TXNRD2: variants seen among roughly 807,000 people sequenced by gnomAD.
TXNRD2 encodes thioredoxin reductase 2.
In TXNRD2, 67 loss-of-function variants were observed where a neutral mutation model predicts 70.8. The ratio of observed to expected loss-of-function variants is 0.95; its 90% confidence interval spans 0.78 to 1.16. The LOEUF (loss-of-function observed/expected upper bound fraction) is 1.16, where lower values mean the gene tolerates loss of function less well. Ranked by LOEUF, TXNRD2 falls within the 50% of genes most tolerant of loss-of-function variation. The pLI is 0.00. For synonymous variants in TXNRD2, 301 were observed against 295.8 expected, an observed-to-expected ratio of 1.02 and a Z score of -0.18; for missense variants, 644 against 719.9, an observed-to-expected ratio of 0.89 and a Z score of 1.21.
In TXNRD2 at chr22:19,915,216, G is replaced by C. The variant is rs762695606; in HGVS notation, c.589C>G (p.His197Asp). The C allele has an allele frequency of 2.3e-5, 37 of 1,613,806 alleles. No individual in the cohort carries two copies. Among genetic ancestry groups the C allele is most frequent in the Non-Finnish European group, 3.1e-5 (36 of 1,179,876 alleles). Reference protein sequence around the residue: ...ATGGRPRYPTHIEGALEYGIT... With the variant: ...ATGGRPRYPTDIEGALEYGIT... ...CGCTATGCTCTGGGGACACTCACGT[G>C]CGTGGGGTATCTCGGCCGCCCTCCA... is the stretch of plus-strand genomic sequence containing the variant. Residue 197 changes from histidine to aspartate, a missense_variant and splice_region_variant, in exon 7 of 18, where the codon CAC becomes GAC. Coordinates refer to ENST00000400521, the MANE Select transcript of TXNRD2 (RefSeq NM_006440.5).
At chr22:19,932,502 T>G in intron 1 of TXNRD2, 3 of 1,583,204 alleles carry the variant, frequency 1.9e-6, no homozygotes, top group Non-Finnish European at 2.6e-6. Context: ...GAGAAGGGAC[T>G]GGAGGGAGGA....
intron 12 of TXNRD2, among the ~76,000 whole-genome samples, chr22:19,881,956 A>G (rs1323134180): frequency 1.3e-5 from 2 of 152,142 alleles, no homozygotes. Context: ...TCAGAGTGTG[A>G]CCTTATTTGG....
chr22:19,938,156 G>A (rs1474972755), intron 1 of TXNRD2: 5 of 152,084 alleles, frequency 3.3e-5, no homozygotes, highest in East Asian at 1.9e-4. Context: ...CTCAAGGTTC[G>A]GTGGGCCTGG....
intron 10 of TXNRD2, among the ~76,000 whole-genome samples, chr22:19,896,229 T>C (rs1348242913): frequency 2.0e-5 from 3 of 149,122 alleles, no homozygotes; most frequent in Non-Finnish European, 1.5e-5. Context: ...ACCCGGGAGG[T>C]GGAGCTTGCA....
intron 1 of TXNRD2, chr22:19,932,494 G>T: frequency 1.9e-6 from 3 of 1,593,350 alleles, no homozygotes; most frequent in Middle Eastern, 3.3e-4. Context: ...GAGGGATGGA[G>T]AAGGGACTGG....
At chr22:19,904,397 CT>C in intron 8 of TXNRD2, among the ~76,000 whole-genome samples, 1 of 152,386 alleles carries the variant, frequency 6.6e-6, no homozygotes, top group South Asian at 2.1e-4. Flanking sequence ...CACGATCCCC[CT>C]GCCTCTGCCA....
chr22:19,941,746 G>A lies in TXNRD2; in HGVS notation c.58C>T (p.Gln20Ter). Residue 20 changes from glutamine to a stop codon, truncating the protein, a stop_gained, in exon 1 of 18, where the codon CAG (glutamine) becomes TAG (stop). Transcript: ENST00000400521. LOFTEE classifies it high-confidence loss of function. Reference sequence around the variant, plus strand: ...CCCCGCACCCCGCCCGCCACGGCCTGCGTCCGCCACCGGAAGCGCCCTCCT... The same window carrying A: ...CCCCGCACCCCGCCCGCCACGGCCTACGTCCGCCACCGGAAGCGCCCTCCT... The part of the protein sequence containing the change: ...GLGGRFRWRT[Q>*]AVAGGVRGAA... 1.3e-6 allele frequency: 2 copies of A among 1,499,738 alleles called. No homozygotes were observed. Among genetic ancestry groups the A allele is most frequent in the Non-Finnish European group, 1.8e-6 (2 of 1,132,456 alleles). 92.9% of individuals were successfully genotyped at this position (1,499,738 alleles called of 1,614,324 possible). A position where few individuals can be genotyped will look rare whatever the true frequency, so the allele number is the denominator to read the frequency against.
intron 11 of TXNRD2, among the ~76,000 whole-genome samples, chr22:19,884,801 G>A (rs73383841): frequency 0.012 from 1,811 of 152,246 alleles, 33 homozygotes; most frequent in African/African-American, 0.041. Context: ...GCAAGCCCCC[G>A]TAACCCGCTA....
At chr22:19,927,651 C>CAAAAAAAAAAAAAAAAAAAAAAAAAAA in intron 2 of TXNRD2, among the ~76,000 whole-genome samples, 1 of 68,406 alleles carries the variant, frequency 1.5e-5, no homozygotes, top group Non-Finnish European at 2.8e-5. Flanking sequence ...GACCTTGTCT[C>CAAAAAAAAAAAAAAAAAAAAAAAAAAA]AAAAAAAAAA....
chr22:19,886,067 C>T (rs962387959), intron 11 of TXNRD2, among the ~76,000 whole-genome samples: 1 of 152,210 alleles, frequency 6.6e-6, no homozygotes, highest in Non-Finnish European at 1.5e-5. Flanking sequence ...GGAGAGTGGG[C>T]TGCGCGGCAC....
chr22:19,934,741 T>C (rs1459952273), intron 1 of TXNRD2, among the ~76,000 whole-genome samples: 1 of 151,996 alleles, frequency 6.6e-6, no homozygotes, highest in Admixed American at 6.6e-5. Context: ...TTTTTGTACT[T>C]TCAGGAGAGA....
chr22:19,941,727 A>G lies in TXNRD2; in HGVS notation c.77T>C (p.Val26Ala), dbSNP rs925920723. The G allele has an allele frequency of 4.9e-5, 73 of 1,487,244 alleles. No individual in the cohort carries two copies. The highest frequency in any genetic ancestry group is 6.1e-5 in the Non-Finnish European group (69 of 1,126,008). 92.1% of individuals were successfully genotyped at this position (1,487,244 alleles called of 1,614,324 possible). A position where few individuals can be genotyped will look rare whatever the true frequency, so the allele number is the denominator to read the frequency against. The change falls in exon 1 of 18, where the codon GTG (valine) becomes GCG (alanine). Residue 26 changes from valine (V) to alanine (A), a missense_variant. Val to Ala is a moderately conservative substitution (Grantham distance 64, BLOSUM62 0). Coordinates refer to ENST00000400521, the MANE Select transcript of TXNRD2 (RefSeq NM_006440.5). ...TGCTGCGCCCCGCGCCGCGCCCCGCACCCCGCCCGCCACGGCCTGCGTCCG... is the reference window on the plus strand; with the variant it reads ...TGCTGCGCCCCGCGCCGCGCCCCGCGCCCCGCCCGCCACGGCCTGCGTCCG... ...RWRTQAVAGG[V>A]RGAARGAAAG...
chr22:19,937,583 G>A (rs1196276183), intron 1 of TXNRD2, among the ~76,000 whole-genome samples: 5 of 152,122 alleles, frequency 3.3e-5, no homozygotes, highest in Non-Finnish European at 4.4e-5. Context: ...GCGTTGGATC[G>A]GAGACCCACA....
rs1938718306 is a variant in TXNRD2, at chr22:19,880,504, C to T, written c.1182+118G>A. 4 of 959,156 alleles carry T rather than the reference C, an allele frequency of 4.2e-6. No individual in the cohort carries two copies. The East Asian group carries it at 7.6e-5, about 18-fold the overall frequency. 59.4% of individuals were successfully genotyped at this position (959,156 alleles called of 1,614,324 possible). ...CAACACACCCACATAAGCGCACACA[C>T]ACGCATGCCCACATCTACATGCAGA... On this transcript the variant is annotated intron_variant, in intron 13 of 17. Transcript: ENST00000400521.
intron 2 of TXNRD2, among the ~76,000 whole-genome samples, chr22:19,920,047 T>C (rs1249923116): frequency 6.6e-6 from 1 of 152,150 alleles, no homozygotes; most frequent in African/African-American, 2.4e-5. Context: ...TCAGAGGCTC[T>C]CCCTTGCCCC....
intron 7 of TXNRD2, among the ~76,000 whole-genome samples, chr22:19,914,320 A>G (rs1041823989): frequency 2.0e-5 from 3 of 152,386 alleles, no homozygotes; most frequent in East Asian, 1.9e-4. Context: ...GGCACTATTC[A>G]TAATAGCTAA....
intron 11 of TXNRD2, chr22:19,884,140 T>C (rs1012034160): frequency 1.3e-5 from 2 of 152,594 alleles, no homozygotes; most frequent in African/African-American, 4.8e-5. Context: ...GGCGACAGAG[T>C]GAGACTGTCT....
At chr22:19,930,845 G>A (rs1490660387) in intron 2 of TXNRD2, among the ~76,000 whole-genome samples, 185 bp downstream of exon 2, 3 of 152,334 alleles carry the variant, frequency 2.0e-5, no homozygotes, top group Middle Eastern at 3.4e-3. Flanking sequence ...GAAGTGCCAC[G>A]GCGGCCGCTG....
chr22:19,911,253 T>TTTC (rs1446030975), intron 8 of TXNRD2, 124 bp downstream of exon 8: 1 of 827,376 alleles, frequency 1.2e-6, no homozygotes, highest in East Asian at 2.6e-5. Flanking sequence ...ACAGGCCTTT[T>TTTC]TTCCTTCTTT....
Sources: allele counts gnomAD v4.1 joint callset (sites outside exome capture counted in the v4.1 genomes callset), GRCh38; gene constraint gnomAD v4.1.1; transcripts MANE v1.5; gene names NCBI Gene and HGNC (gene_info 2026-07-23, HGNC 2026-07-21).